The following RNF182 variants were observed in gnomAD, a reference collection of about 807,000 sequenced individuals.
RNF182 encodes ring finger protein 182.
RNF182 carries 15 observed loss-of-function variants against 14.4 expected under a neutral mutation model. The ratio of observed to expected loss-of-function variants is 1.04; its 90% CI spans 0.70 to 1.60. RNF182 has a LOEUF of 1.60. RNF182 is among the 40% of genes most tolerant of loss of function. The pLI is 0.00. For missense variants in RNF182, 268 were observed against 294.8 expected, an observed-to-expected ratio of 0.91 and a Z score of 0.67; for synonymous variants, 128 against 122.9, an observed-to-expected ratio of 1.04 and a Z score of -0.27.
chr6:13,959,302 C>A (rs567851326), intron 1 of RNF182, among the ~76,000 whole-genome samples: 19 of 152,184 alleles, frequency 1.2e-4, no homozygotes, highest in African/African-American at 4.6e-4. Context: ...AAGGCCAGGG[C>A]GGCAGGAAAA....
At chr6:13,949,299 C>T (rs778131916) in intron 1 of RNF182, 2 of 777,334 alleles carry the variant, frequency 2.6e-6, no homozygotes, top group Admixed American at 3.4e-5. Context: ...AGAAACCTGA[C>T]ATGTGGGCAT....
At chr6:13,942,558 T>C (rs1475509795) in intron 1 of RNF182, among the ~76,000 whole-genome samples, 1 of 152,058 alleles carries the variant, frequency 6.6e-6, no homozygotes, top group African/African-American at 2.4e-5. Flanking sequence ...GCCAGACTGA[T>C]CTCAAACTCC....
chr6:13,962,974 G>A (rs1759918631), intron 1 of RNF182, among the ~76,000 whole-genome samples: 1 of 151,958 alleles, frequency 6.6e-6, no homozygotes, highest in African/African-American at 2.4e-5. Flanking sequence ...TCTGTTTTTT[G>A]TTTTGTTTTT....
chr6:13,952,781 A>G (rs1759628629), intron 1 of RNF182, among the ~76,000 whole-genome samples: 1 of 152,206 alleles, frequency 6.6e-6, no homozygotes, highest in Non-Finnish European at 1.5e-5. Context: ...GGGAATAAAA[A>G]GGTGACTACT....
intron 1 of RNF182, among the ~76,000 whole-genome samples, chr6:13,964,577 C>T (rs1483577946): frequency 1.3e-5 from 2 of 152,154 alleles, no homozygotes; most frequent in Non-Finnish European, 2.9e-5. Flanking sequence ...CTCCTGGAGC[C>T]AGCAGACCCC....
intron 1 of RNF182, among the ~76,000 whole-genome samples, chr6:13,970,087 A>G (rs964574712): frequency 1.3e-5 from 2 of 152,216 alleles, no homozygotes; most frequent in Non-Finnish European, 2.9e-5. Context: ...CAAAGAATGT[A>G]TGATGGTCAA....
At chr6:13,927,586 CA>C (rs914611541) in intron 1 of RNF182, among the ~76,000 whole-genome samples, 1 of 151,580 alleles carries the variant, frequency 6.6e-6, no homozygotes, top group Non-Finnish European at 1.5e-5. Flanking sequence ...TATCCAAAGA[CA>C]AAAAAAAGCC....
intron 1 of RNF182, chr6:13,961,654 TA>T (rs1759886704): frequency 6.6e-6 from 1 of 152,216 alleles, no homozygotes; most frequent in African/African-American, 2.4e-5. Flanking sequence ...CACAACTCCA[TA>T]TATAAAAATA....
chr6:13,952,205 G>A (rs1250153185), intron 1 of RNF182, among the ~76,000 whole-genome samples: 2 of 152,174 alleles, frequency 1.3e-5, no homozygotes, highest in East Asian at 3.9e-4. Flanking sequence ...ACCCAGTGCA[G>A]CAACACTGAA....
chr6:13,942,690 G>A (rs971366734), intron 1 of RNF182, among the ~76,000 whole-genome samples: 2 of 152,030 alleles, frequency 1.3e-5, no homozygotes, highest in African/African-American at 2.4e-5. Context: ...TATTTCTTCT[G>A]GTCTGATCAC....
intron 1 of RNF182, among the ~76,000 whole-genome samples, chr6:13,941,003 T>C (rs1759284422): frequency 6.6e-6 from 1 of 152,106 alleles, no homozygotes; most frequent in African/African-American, 2.4e-5. Flanking sequence ...TGCTGAGTGA[T>C]AGACATGCAC....
chr6:13,960,692 T>TGTGTGTGTGTGCGCGC (rs367625022), intron 1 of RNF182, among the ~76,000 whole-genome samples: 133 of 137,800 alleles, frequency 9.7e-4, no homozygotes, highest in African/African-American at 2.6e-3. Context: ...TGTGTGTGTG[T>TGTGTGTGTGTGCGCGC]GCGCGCGTGC....
chr6:13,956,151 C>T (rs1265983057), intron 1 of RNF182, among the ~76,000 whole-genome samples: 2 of 152,072 alleles, frequency 1.3e-5, no homozygotes, highest in South Asian at 2.1e-4. Flanking sequence ...AATAGTATTT[C>T]ATTGTGTATA....
chr6:13,933,398 C>T (rs1157178136), intron 1 of RNF182, among the ~76,000 whole-genome samples: 6 of 150,420 alleles, frequency 4.0e-5, no homozygotes, highest in Non-Finnish European at 8.9e-5. Context: ...CACGTGTAGT[C>T]CCAGCTGCTC....
chr6:13,973,469 T>G (rs776620272), intron 1 of RNF182, among the ~76,000 whole-genome samples: 13 of 152,096 alleles, frequency 8.5e-5, no homozygotes, highest in South Asian at 4.1e-4. Flanking sequence ...AATCTGACCT[T>G]ATATTGTAAT....
At chr6:13,931,458 TAG>T (rs1758967172) in intron 1 of RNF182, among the ~76,000 whole-genome samples, 1 of 152,150 alleles carries the variant, frequency 6.6e-6, no homozygotes, top group South Asian at 2.1e-4. Context: ...GGGATGAAGT[TAG>T]AAGTTTGGAA....
At position 13,977,354 on chromosome 6, in the gene RNF182, A is replaced by T. The variant is rs1760357357; in HGVS notation, c.235A>T (p.Ser79Cys). The change falls in exon 3 of 3, where the codon AGT becomes TGT. Residue 79 changes from serine (S) to cysteine (C), a missense_variant. Ser to Cys is a moderately radical substitution (Grantham distance 112, BLOSUM62 -1). Transcript: ENST00000488300. ...FETCLPDDEV[S>C]SLPDDNNILV... ...GACGTGCCTGCCAGATGATGAAGTT[A>T]GTAGCCTGCCCGATGACAACAACAT... 1 of 1,614,180 alleles carries T rather than the reference A, an allele frequency of 6.2e-7. No homozygotes were observed. Among genetic ancestry groups the T allele is most frequent in the Non-Finnish European group, 8.5e-7 (1 of 1,180,030 alleles).
chr6:13,933,538 A>C (rs1190191273), intron 1 of RNF182, among the ~76,000 whole-genome samples: 2 of 152,108 alleles, frequency 1.3e-5, no homozygotes, highest in Non-Finnish European at 2.9e-5. Flanking sequence ...GAAAAAGTAA[A>C]AAGTAATTAT....
At chr6:13,970,966 A>G (rs991881859) in intron 1 of RNF182, among the ~76,000 whole-genome samples, 1 of 152,026 alleles carries the variant, frequency 6.6e-6, no homozygotes, top group Non-Finnish European at 1.5e-5. Context: ...GAAAGATAAC[A>G]CTAGTACAGA....
Sources: gnomAD v4.1 joint callset for allele counts (sites outside exome capture counted in the v4.1 genomes callset) on GRCh38, gnomAD v4.1.1 for gene constraint, MANE v1.5 for transcripts, NCBI Gene and HGNC (gene_info 2026-07-23, HGNC 2026-07-21) for gene names.